ITGAM: variants seen among roughly 807,000 people sequenced by gnomAD.
The protein encoded by ITGAM is integrin alpha-M.
Under a neutral mutation model 137.5 loss-of-function variants are expected in ITGAM, and 79 were observed. That is an observed-to-expected ratio of 0.57 (90% confidence interval 0.48 to 0.69). ITGAM has a LOEUF of 0.69. ITGAM is among the 30% of genes least tolerant of loss of function. The probability of loss-of-function intolerance (pLI) is 0.00; values close to 1 mark genes in which losing one functional copy is unlikely to be tolerated. For missense variants in ITGAM, 1,343 were observed against 1,483.5 expected, an observed-to-expected ratio of 0.91 and a Z score of 1.56; for synonymous variants, 583 against 592.3, an observed-to-expected ratio of 0.98 and a Z score of 0.23.
intron 14 of ITGAM, among the ~76,000 whole-genome samples, chr16:31,307,169 T>C (rs1374968449): frequency 6.6e-6 from 1 of 152,134 alleles, no homozygotes; most frequent in Non-Finnish European, 1.5e-5. Context: ...AGTAGTTTTT[T>C]CCAATTCTGT....
intron 11 of ITGAM, among the ~76,000 whole-genome samples, chr16:31,277,622 T>G (rs573507857): frequency 6.6e-6 from 1 of 152,098 alleles, no homozygotes; most frequent in Admixed American, 6.6e-5. Context: ...CCTCCCAAAG[T>G]GCTGGAATTA....
Position 31,263,665 on chromosome 16 carries a change from C to CT in ITGAM, c.135-1715dup, listed in dbSNP as rs74413197. On this transcript the variant is annotated intron_variant, in intron 2 of 29. Transcript: ENST00000544665. The stretch of plus-strand genomic sequence containing the variant: ...TCTTATCTGTTGGCCATTTTTCTTT[C>CT]TTTTTTTTTTTTTTTACTAGTTTGT... Among the ~76,000 whole-genome samples, 435 of 125,842 alleles carry CT rather than the reference C, an allele frequency of 3.5e-3. 1 individual carries two copies. The highest frequency in any genetic ancestry group is 7.9e-3 in the African/African-American group (279 of 35,354). The allele number at this position is 125,842 out of a possible 152,430, so 82.6% of individuals were successfully genotyped here. A position where few individuals can be genotyped will look rare whatever the true frequency, so the allele number is the denominator to read the frequency against.
At chr16:31,310,773 G>A (rs1000883174) in intron 14 of ITGAM, among the ~76,000 whole-genome samples, 1 of 152,152 alleles carries the variant, frequency 6.6e-6, no homozygotes, top group African/African-American at 2.4e-5. Flanking sequence ...GAGGCGCTCT[G>A]ATTTTTAGAG....
At chr16:31,327,793 A>G (rs73536330) in intron 22 of ITGAM, among the ~76,000 whole-genome samples, 1,884 of 152,182 alleles carry the variant, frequency 0.012, 37 homozygotes, top group African/African-American at 0.043. Flanking sequence ...GTGGTTAGAT[A>G]CAGGCCATGT....
intron 5 of ITGAM, 102 bp from the exon 6 acceptor site, chr16:31,270,852 G>T: frequency 1.9e-6 from 1 of 525,446 alleles, no homozygotes; most frequent in Non-Finnish European, 3.1e-6. Context: ...TTATAGAGAC[G>T]GGGTCCTATA....
In ITGAM at chr16:31,319,484, C is replaced by T. The variant is rs545794292; in HGVS notation, c.1708-1757C>T. Among the ~76,000 whole-genome samples the T allele has an allele frequency of 6.6e-5, 10 of 152,162 alleles. No individual in the cohort carries two copies. The South Asian group carries it at 2.1e-3, about 32-fold the overall frequency. ...TTTTGTCTGATATTAGCATGTCATCCTGCTCTCTTTTGGTTACCATTTTAA... is the reference window on the plus strand; with the variant it reads ...TTTTGTCTGATATTAGCATGTCATCTTGCTCTCTTTTGGTTACCATTTTAA... On this transcript the variant is annotated intron_variant, in intron 14 of 29. Coordinates refer to ENST00000544665, the MANE Select transcript of ITGAM (RefSeq NM_000632.4).
chr16:31,295,297 C>T (rs2080122691), intron 12 of ITGAM, among the ~76,000 whole-genome samples: 1 of 152,024 alleles, frequency 6.6e-6, no homozygotes, highest in Non-Finnish European at 1.5e-5. Flanking sequence ...TGTACTGAAT[C>T]AGAAGATTGC....
intron 14 of ITGAM, among the ~76,000 whole-genome samples, chr16:31,309,942 G>T (rs959564535): frequency 2.0e-5 from 3 of 152,090 alleles, no homozygotes; most frequent in South Asian, 4.1e-4. Flanking sequence ...GAAATTCTGG[G>T]TTGAAAATTC....
intron 23 of ITGAM, 149 bp from the exon 24 acceptor site, chr16:31,329,079 A>ACCC: frequency 2.0e-5 from 1 of 49,458 alleles, no homozygotes; most frequent in South Asian, 1.5e-4. Context: ...TGGTTCCCCC[A>ACCC]TCCCCCTGCA....
In ITGAM at chr16:31,266,132, C is replaced by G; in HGVS notation, c.412C>G (p.Pro138Ala). The change falls in exon 5 of 30, where the codon CCA becomes GCA. Residue 138 changes from proline to alanine, a missense_variant. Pro to Ala is a conservative substitution (Grantham distance 27). Transcript: ENST00000544665. ...CCTACGGCAGCAGCCCCAGAAGTTC[C>G]CAGAGGCCCTCCGAGGTGGGTTGCC... is the stretch of plus-strand genomic sequence containing the variant. Reference protein sequence around the residue: ...SNLRQQPQKFPEALRGCPQED... With the variant: ...SNLRQQPQKFAEALRGCPQED... The G allele has an allele frequency of 3.1e-6, 5 of 1,613,392 alleles. No homozygotes were observed. The highest frequency in any genetic ancestry group is 4.2e-6 in the Non-Finnish European group (5 of 1,179,606).
intron 12 of ITGAM, among the ~76,000 whole-genome samples, chr16:31,281,382 T>A (rs1171428616): frequency 6.6e-6 from 1 of 152,220 alleles, no homozygotes; most frequent in East Asian, 1.9e-4. Flanking sequence ...TATTAATTAT[T>A]GCCTCAATTT....
chr16:31,265,943 G>A, intron 4 of ITGAM, 62 bp downstream of exon 4: 1 of 1,596,998 alleles, frequency 6.3e-7, no homozygotes, highest in Admixed American at 1.7e-5. Flanking sequence ...ACGCATGGTG[G>A]GGCTGGGGGT....
chr16:31,272,439 A>G (rs2079852636), intron 7 of ITGAM, among the ~76,000 whole-genome samples: 254 of 6,910 alleles, frequency 0.037, 14 homozygotes, highest in African/African-American at 0.079. Flanking sequence ...ATATATATAT[A>G]TATATATATA....
At chr16:31,320,173 A>G (rs920738561) in intron 14 of ITGAM, among the ~76,000 whole-genome samples, 2 of 152,158 alleles carry the variant, frequency 1.3e-5, no homozygotes, top group Admixed American at 6.5e-5. Flanking sequence ...TTTCCACAAA[A>G]CATCTCATAA....
At chr16:31,317,107 TG>T (rs2080400894) in intron 14 of ITGAM, among the ~76,000 whole-genome samples, 1 of 152,200 alleles carries the variant, frequency 6.6e-6, no homozygotes, top group Non-Finnish European at 1.5e-5. Flanking sequence ...CTTGCCCAAT[TG>T]CTCTGGCTAG....
At chr16:31,286,391 C>T (rs1454114465) in intron 12 of ITGAM, among the ~76,000 whole-genome samples, 1 of 152,086 alleles carries the variant, frequency 6.6e-6, no homozygotes, top group African/African-American at 2.4e-5. Flanking sequence ...TGAATAGTAG[C>T]CCTGTTTTAT....
intron 9 of ITGAM, among the ~76,000 whole-genome samples, chr16:31,276,106 A>T (rs41477949): frequency 0.39 from 59,316 of 152,040 alleles, 15,572 homozygotes; most frequent in African/African-American, 0.75. Context: ...GGATTTCATA[A>T]ACAGTCTGGG....
At chr16:31,313,038 T>C (rs2080352403) in intron 14 of ITGAM, among the ~76,000 whole-genome samples, 1 of 151,770 alleles carries the variant, frequency 6.6e-6, no homozygotes, top group African/African-American at 2.4e-5. Flanking sequence ...GCCAACATGG[T>C]GAAACCCCAT....
At chr16:31,306,631 C>T (rs187438546) in intron 14 of ITGAM, among the ~76,000 whole-genome samples, 1 of 151,952 alleles carries the variant, frequency 6.6e-6, no homozygotes, top group Non-Finnish European at 1.5e-5. Context: ...TTTGCCTCAG[C>T]CTCCTGAGTA....
Sources: allele counts gnomAD v4.1 joint callset (sites outside exome capture counted in the v4.1 genomes callset), GRCh38; gene constraint gnomAD v4.1.1; transcripts MANE v1.5; gene names NCBI Gene and HGNC (gene_info 2026-07-23, HGNC 2026-07-21).